Variants in SYTL2 observed in about 807,000 individuals in gnomAD.
SYTL2 encodes the protein synaptotagmin-like protein 2.
A neutral mutation model predicts 198.7 loss-of-function variants in SYTL2; 165 were observed. The observed-to-expected ratio is 0.83, with a 90% CI of 0.73 to 0.94. SYTL2 has a LOEUF of 0.94. Among genes scored for constraint, SYTL2 ranks in the 40% least tolerant of loss-of-function variants. The pLI, the probability that SYTL2 is intolerant of heterozygous loss-of-function variation, is 0.00. For synonymous variants in SYTL2, 966 were observed against 917.7 expected (o/e 1.05, Z -0.95); for missense variants, 2,835 against 2,582.8 (o/e 1.10, Z -2.12).
intron 1 of SYTL2, among the ~76,000 whole-genome samples, chr11:85,768,952 C>T (rs1167379715): frequency 1.3e-5 from 2 of 151,978 alleles, no homozygotes; most frequent in African/African-American, 2.4e-5. Flanking sequence ...CAGCAGTGGG[C>T]AGAAAGGCTT....
chr11:85,822,925 C>T, the SYTL2 span, among the ~76,000 whole-genome samples: 1 of 152,238 alleles, frequency 6.6e-6, no homozygotes, highest in African/African-American at 2.4e-5. Context: ...GAGACAGGGC[C>T]TCCTTGTAGG....
chr11:85,784,299 C>G (rs2092604275), intron 1 of SYTL2, among the ~76,000 whole-genome samples: 1 of 151,976 alleles, frequency 6.6e-6, no homozygotes, highest in Admixed American at 6.6e-5. Flanking sequence ...GCTTTCTAGG[C>G]TATGAACCAC....
chr11:85,828,730 A>G, the SYTL2 span, among the ~76,000 whole-genome samples: 1 of 152,204 alleles, frequency 6.6e-6, no homozygotes, highest in Admixed American at 6.5e-5. Context: ...ATCAGAGTCA[A>G]TGCCATTTAA....
At chr11:85,710,368 C>G (rs1332188112) in intron 13 of SYTL2, among the ~76,000 whole-genome samples, 1 of 152,148 alleles carries the variant, frequency 6.6e-6, no homozygotes, top group Non-Finnish European at 1.5e-5. Context: ...TCAGCAGAAA[C>G]TCAATTTAAA....
At chr11:85,841,524 A>G in the SYTL2 span, among the ~76,000 whole-genome samples, 1 of 152,336 alleles carries the variant, frequency 6.6e-6, no homozygotes, top group South Asian at 2.1e-4. Flanking sequence ...TTGCAGGGAA[A>G]TGGATGGAGC....
At chr11:85,827,964 G>C in the SYTL2 span, among the ~76,000 whole-genome samples, 1 of 152,126 alleles carries the variant, frequency 6.6e-6, no homozygotes, top group African/African-American at 2.4e-5. Context: ...CTGTTTCTTA[G>C]GATGACAGTT....
At position 85,757,623 on chromosome 11, in the gene SYTL2, A is replaced by C. The variant is rs760721989; in HGVS notation, c.101+2T>G. 1.9e-6 allele frequency: 3 copies of C among 1,613,454 alleles called. No individual in the cohort carries two copies. Among genetic ancestry groups the C allele is most frequent in the Admixed American group, 1.7e-5 (1 of 60,002 alleles). On this transcript the variant is annotated splice_donor_variant, in intron 2 of 19. Coordinates refer to ENST00000359152, the MANE Select transcript of SYTL2 (RefSeq NM_206927.4). LOFTEE classifies it high-confidence loss of function. ...ATGCCCAAGGCTTCTCTGGCCTCTT[A>C]CCTGACTCTCTCTTCTTCGGCCCTC...
intron 2 of SYTL2, among the ~76,000 whole-genome samples, chr11:85,754,206 T>A (rs766692871): frequency 6.6e-6 from 1 of 152,182 alleles, no homozygotes; most frequent in African/African-American, 2.4e-5. Flanking sequence ...TTGCAACTGA[T>A]AATCCATTAA....
the SYTL2 span, chr11:85,853,201 C>T: frequency 4.1e-5 from 17 of 409,904 alleles, no homozygotes; most frequent in African/African-American, 1.3e-4. Flanking sequence ...ATGACAATGG[C>T]GGTTTTGTGG....
In SYTL2 at chr11:85,762,376, T is replaced by C. The variant is rs1410422318; in HGVS notation, c.-389-4262A>G. 3.9e-5 allele frequency among the ~76,000 whole-genome samples: 6 copies of C among 152,192 alleles called. No individual in the cohort carries two copies. In the South Asian group the frequency reaches 1.0e-3, roughly 26 times the overall value. On this transcript the variant is annotated intron_variant, in intron 1 of 19. Coordinates refer to ENST00000359152, the MANE Select transcript of SYTL2 (RefSeq NM_206927.4). ...TTATTGATGTGTTCACAGGAGGAACTCCTGGGGCAAGTTCTCCTTGGGTTC... is the reference window on the plus strand; with the variant it reads ...TTATTGATGTGTTCACAGGAGGAACCCCTGGGGCAAGTTCTCCTTGGGTTC...
chr11:85,789,930 C>T (rs542272958), intron 1 of SYTL2, among the ~76,000 whole-genome samples: 4 of 152,128 alleles, frequency 2.6e-5, no homozygotes, highest in Non-Finnish European at 4.4e-5. Flanking sequence ...ATTGCCAATA[C>T]CGGTTGAGTA....
chr11:85,792,810 G>A (rs977967790), intron 1 of SYTL2, among the ~76,000 whole-genome samples: 2 of 150,942 alleles, frequency 1.3e-5, no homozygotes, highest in Non-Finnish European at 2.9e-5. Flanking sequence ...CCCAGAGTGT[G>A]ATGATCCCCT....
At position 85,714,333 on chromosome 11, in the gene SYTL2, G is replaced by C. The variant is rs912375481; in HGVS notation, c.5625+80C>G. 5.8e-4 allele frequency: 669 copies of C among 1,151,806 alleles called. 11 individuals are homozygous for C. The highest frequency in any genetic ancestry group is 9.7e-4 in the Admixed American group (56 of 58,028). The allele number at this position is 1,151,806 out of a possible 1,614,324, so 71.3% of individuals were successfully genotyped here. ...GACCTCTTTGATCTCTGCCACAGTG[G>C]AATACAAACACACCAACCTTGGCAT... On this transcript the variant is annotated intron_variant, in intron 12 of 19. Transcript: ENST00000359152.
the SYTL2 span, among the ~76,000 whole-genome samples, chr11:85,834,941 G>T: frequency 1.3e-5 from 2 of 151,716 alleles, no homozygotes; most frequent in Non-Finnish European, 2.9e-5. Context: ...TAAAATTTTT[G>T]TAGAGACTGG....
At chr11:85,735,581 A>C (rs369518401) in intron 6 of SYTL2, among the ~76,000 whole-genome samples, 1 of 152,076 alleles carries the variant, frequency 6.6e-6, no homozygotes, top group African/African-American at 2.4e-5. Context: ...AAAGGGTGAA[A>C]CCTCATTTCT....
intron 1 of SYTL2, among the ~76,000 whole-genome samples, chr11:85,779,302 G>T (rs1172719650): frequency 6.6e-6 from 1 of 152,064 alleles, no homozygotes; most frequent in Non-Finnish European, 1.5e-5. Flanking sequence ...TTGGGAGGGG[G>T]ACAGCAGGAT....
At chr11:85,766,018 C>T (rs1255672137) in intron 1 of SYTL2, among the ~76,000 whole-genome samples, 1 of 152,090 alleles carries the variant, frequency 6.6e-6, no homozygotes, top group African/African-American at 2.4e-5. Context: ...GTCAGGTAGG[C>T]CACAGAGATT....
In SYTL2 at chr11:85,709,395, G is replaced by C. The variant is rs61740626; in HGVS notation, c.5851C>G (p.His1951Asp). The change falls in exon 14 of 20, where the codon CAT (histidine) becomes GAT (aspartate). Residue 1951 changes from histidine (H) to aspartate (D), a missense_variant. Around this residue, in one of 3 missense-constraint regions of SYTL2, gnomAD observed 2,645 missense variants for 2,381.7 expected, o/e 1.11. Transcript: ENST00000359152. ...IEYVESLKEL[H>D]VFVAQCKDLA... is the part of the protein sequence containing the mutation. ...TCCTTACACTGGGCCACAAAAACAT[G>C]CAACTCCTTCAGTGACTCCACATAT... 561 of 1,614,076 alleles carry C rather than the reference G, an allele frequency of 3.5e-4. 5 individuals carry two copies. The African/African-American group carries it at 6.4e-3, about 19-fold the overall frequency.
intron 16 of SYTL2, 151 bp downstream of exon 16, chr11:85,704,707 T>A (rs2084850406): frequency 1.8e-6 from 1 of 544,636 alleles, no homozygotes; most frequent in Non-Finnish European, 3.1e-6. Context: ...ATGTTCCCAA[T>A]AACCTTTTTT....
Sources: gnomAD v4.1 joint callset for allele counts (sites outside exome capture counted in the v4.1 genomes callset) on GRCh38, gnomAD v4.1.1 for gene constraint, gnomAD v4.1.1 regional missense constraint, MANE v1.5 for transcripts, NCBI Gene and HGNC (gene_info 2026-07-23, HGNC 2026-07-21) for gene names.